The following DGKB variants were observed in gnomAD, a reference collection of about 807,000 sequenced individuals.
DGKB encodes diacylglycerol kinase beta.
DGKB carries 67 observed loss-of-function variants against 114.3 expected under a neutral mutation model. That is an observed-to-expected ratio of 0.59 (90% CI 0.48 to 0.72). DGKB has a LOEUF of 0.72. DGKB is among the 30% of genes least tolerant of loss of function. DGKB has a pLI of 0.00. For synonymous variants in DGKB, 398 were observed against 323.1 expected (o/e 1.23, Z -2.49); for missense variants, 907 against 975.2 (o/e 0.93, Z 0.93).
chr7:14,824,347 A>G (rs1315646067), intron 2 of DGKB, among the ~76,000 whole-genome samples: 1 of 152,188 alleles, frequency 6.6e-6, no homozygotes, highest in Admixed American at 6.6e-5. Context: ...TTTGCCTTTT[A>G]GAATACTTGT....
intron 20 of DGKB, among the ~76,000 whole-genome samples, chr7:14,559,662 A>G (rs1286310106): frequency 3.3e-5 from 5 of 152,188 alleles, no homozygotes; most frequent in Non-Finnish European, 7.4e-5. Flanking sequence ...ATTATTTCAA[A>G]AACTTGATGC....
intron 2 of DGKB, among the ~76,000 whole-genome samples, chr7:14,764,584 A>T (rs1836184975): frequency 6.6e-6 from 1 of 151,926 alleles, no homozygotes; most frequent in Non-Finnish European, 1.5e-5. Context: ...GGACCTTTAA[A>T]AAAGGCTCTC....
At position 14,945,173 on chromosome 7, in the gene DGKB, A is replaced by G. The variant is rs112227861; in HGVS notation, c.-188+29523T>C. On this transcript the variant is annotated intron_variant, in intron 1 of 4. Transcript: ENST00000437998. ...CTACACAACAAAAATGCAATCAGCTACAACTACAAGCAATGACAGGTATAA... is the reference window on the plus strand; with the variant it reads ...CTACACAACAAAAATGCAATCAGCTGCAACTACAAGCAATGACAGGTATAA... Among the ~76,000 whole-genome samples, 10 of 151,932 alleles carry G rather than the reference A, an allele frequency of 6.6e-5. 2 individuals are homozygous for G. Among genetic ancestry groups the G allele is most frequent in the African/African-American group, 2.2e-4 (9 of 41,542 alleles).
At chr7:14,917,302 A>G (rs1212588725) in intron 1 of DGKB, among the ~76,000 whole-genome samples, 1 of 152,048 alleles carries the variant, frequency 6.6e-6, no homozygotes, top group East Asian at 1.9e-4. Flanking sequence ...CAGAATGGAA[A>G]ACATGAAATC....
At chr7:14,776,794 G>C (rs990115401) in intron 2 of DGKB, among the ~76,000 whole-genome samples, 3 of 152,230 alleles carry the variant, frequency 2.0e-5, no homozygotes, top group African/African-American at 7.2e-5. Flanking sequence ...ACAGCACAGA[G>C]TCCCTACTGT....
chr7:14,352,861 T>G (rs1040980501), intron 21 of DGKB, among the ~76,000 whole-genome samples: 5 of 152,090 alleles, frequency 3.3e-5, no homozygotes, highest in Non-Finnish European at 2.9e-5. Flanking sequence ...AGGCGGAGGC[T>G]GCAGTGAGCT....
chr7:14,254,431 C>A (rs953113631), intron 23 of DGKB, among the ~76,000 whole-genome samples: 8 of 152,046 alleles, frequency 5.3e-5, no homozygotes, highest in African/African-American at 1.9e-4. Context: ...AGGAAGGGTG[C>A]TATTTAAAAT....
intron 23 of DGKB, among the ~76,000 whole-genome samples, chr7:14,236,816 T>C (rs896325699): frequency 1.3e-5 from 2 of 151,776 alleles, no homozygotes; most frequent in African/African-American, 4.8e-5. Context: ...TGAAAATAAA[T>C]AGAAAAATAT....
At chr7:14,751,299 G>C (rs1434212632) in intron 4 of DGKB, among the ~76,000 whole-genome samples, 1 of 151,992 alleles carries the variant, frequency 6.6e-6, no homozygotes, top group Admixed American at 6.6e-5. Flanking sequence ...TGTTATTAAA[G>C]AAATGAAAGA....
chr7:14,969,900 A>C (rs112582130), intron 1 of DGKB, among the ~76,000 whole-genome samples: 1 of 152,342 alleles, frequency 6.6e-6, no homozygotes, highest in African/African-American at 2.4e-5. Flanking sequence ...TAGAAAAGGC[A>C]ATGTGTTCTA....
intron 8 of DGKB, among the ~76,000 whole-genome samples, chr7:14,696,356 G>A (rs796837928): frequency 2.6e-5 from 4 of 151,688 alleles, no homozygotes; most frequent in Non-Finnish European, 5.9e-5. Context: ...TTAGCCGGGC[G>A]CGGTGGCGGG....
intron 2 of DGKB, among the ~76,000 whole-genome samples, chr7:14,779,954 C>T (rs1302726243): frequency 6.6e-6 from 1 of 152,100 alleles, no homozygotes; most frequent in Non-Finnish European, 1.5e-5. Context: ...CTTAACTATA[C>T]CTTTATTTTT....
intron 15 of DGKB, among the ~76,000 whole-genome samples, chr7:14,615,746 G>C (rs1806392421): frequency 6.6e-6 from 1 of 151,678 alleles, no homozygotes; most frequent in African/African-American, 2.4e-5. Context: ...TTCATTTTCA[G>C]ACAGTCCTAA....
intron 13 of DGKB, among the ~76,000 whole-genome samples, chr7:14,654,937 C>G (rs549816905): frequency 6.6e-6 from 1 of 151,820 alleles, no homozygotes; most frequent in Non-Finnish European, 1.5e-5. Context: ...TAGAAAAAAA[C>G]AGAGGGGGAT....
At chr7:14,533,812 A>C (rs1791988181) in intron 20 of DGKB, among the ~76,000 whole-genome samples, 1 of 152,142 alleles carries the variant, frequency 6.6e-6, no homozygotes, top group East Asian at 1.9e-4. Flanking sequence ...AAAAGTACTC[A>C]GCAAAACTGT....
intron 20 of DGKB, among the ~76,000 whole-genome samples, chr7:14,567,611 A>C (rs904835731): frequency 8.1e-6 from 1 of 123,062 alleles, no homozygotes; most frequent in Non-Finnish European, 1.6e-5. Context: ...ATATATATAT[A>C]TATCTTTTTT....
At chr7:14,387,478 T>C (rs1820595576) in intron 21 of DGKB, among the ~76,000 whole-genome samples, 3 of 150,376 alleles carry the variant, frequency 2.0e-5, no homozygotes, top group Non-Finnish European at 1.5e-5. Flanking sequence ...AGTGGCATAA[T>C]CTGGGTTCAC....
At chr7:14,161,920 C>G (rs1276890900) in intron 25 of DGKB, among the ~76,000 whole-genome samples, 1 of 152,060 alleles carries the variant, frequency 6.6e-6, no homozygotes, top group East Asian at 1.9e-4. Flanking sequence ...CTATGATATT[C>G]TAGTCAGTTC....
intron 21 of DGKB, among the ~76,000 whole-genome samples, chr7:14,416,719 A>T (rs2128753647): frequency 6.6e-6 from 1 of 152,230 alleles, no homozygotes; most frequent in East Asian, 1.9e-4. Flanking sequence ...TGGAACTGTG[A>T]GTCCATTAAA....
Sources: gnomAD v4.1 joint callset for allele counts (sites outside exome capture counted in the v4.1 genomes callset) on GRCh38, gnomAD v4.1.1 for gene constraint, MANE v1.5 for transcripts, NCBI Gene and HGNC (gene_info 2026-07-23, HGNC 2026-07-21) for gene names.